Variants in TMEM114 observed in about 807,000 individuals in gnomAD.
The protein encoded by TMEM114 is transmembrane protein 114, also known as claudin-26.
Under a neutral mutation model 6.2 loss-of-function variants are expected in TMEM114, and 6 were observed. The ratio of observed to expected loss-of-function variants is 0.97; its 90% confidence interval spans 0.53 to 1.91. The LOEUF (loss-of-function observed/expected upper bound fraction) is 1.91. TMEM114 is among the 40% of genes most tolerant of loss of function. The probability of loss-of-function intolerance (pLI) is 0.01; values close to 1 mark genes in which losing one functional copy is unlikely to be tolerated. For missense variants in TMEM114, 218 were observed against 158.3 expected (o/e 1.38, Z -2.02); for synonymous variants, 104 against 73.0 (o/e 1.42, Z -2.16).
At chr16:8,547,094 C>T (rs1900692239) in intron 2 of TMEM114, among the ~76,000 whole-genome samples, 1 of 152,174 alleles carries the variant, frequency 6.6e-6, no homozygotes, top group Non-Finnish European at 1.5e-5. Flanking sequence ...AGGCTCTTTT[C>T]CAGAATTCTG....
intron 2 of TMEM114, among the ~76,000 whole-genome samples, chr16:8,559,253 G>T (rs1443537691): frequency 6.6e-6 from 1 of 151,892 alleles, no homozygotes; most frequent in Non-Finnish European, 1.5e-5. Flanking sequence ...GTGTTGGCCA[G>T]GCTGGTCTCC....
rs61728545 is a variant in TMEM114 at position 8,562,220 on chromosome 16, ATGAG to A, written n.213-24398_213-24395del. 7.3e-4 allele frequency among the ~76,000 whole-genome samples: 86 copies of A among 118,544 alleles called. 1 individual carries two copies. The Middle Eastern group carries it at 0.05, about 69-fold the overall frequency. The allele number at this position is 118,544 out of a possible 152,430, so 77.8% of individuals were successfully genotyped here. A position where few individuals can be genotyped will look rare whatever the true frequency, so the allele number is the denominator to read the frequency against. Reference sequence around the variant, plus strand: ...AATGAGTCAGTGAATGAGTGAGTAAATGAGTGAGTGAGTGAGTGAATGAGTGACT... The same window carrying A: ...AATGAGTCAGTGAATGAGTGAGTAAATGAGTGAGTGAGTGAATGAGTGACT... On this transcript the variant is annotated intron_variant and non_coding_transcript_variant, in intron 2 of 2. Coordinates refer to the TMEM114 transcript ENST00000623677.
At chr16:8,527,033 C>A in the TMEM114 span, among the ~76,000 whole-genome samples, 1 of 152,124 alleles carries the variant, frequency 6.6e-6, no homozygotes, top group Admixed American at 6.5e-5. Flanking sequence ...CATGGGGAAA[C>A]CCCAACTCTG....
At chr16:8,567,540 G>A (rs1179768130), downstream of TMEM114, among the ~76,000 whole-genome samples, 1 of 152,176 alleles carries the variant, frequency 6.6e-6, no homozygotes, top group African/African-American at 2.4e-5. Context: ...TGGACGTGTG[G>A]GACCAGATGT....
downstream of TMEM114, among the ~76,000 whole-genome samples, chr16:8,537,030 A>G (rs1900380651): frequency 6.6e-6 from 1 of 152,070 alleles, no homozygotes; most frequent in East Asian, 1.9e-4. Flanking sequence ...ACAAGATGAA[A>G]CCCTATGTCT....
At chr16:8,551,391 C>A (rs866277077) in intron 2 of TMEM114, among the ~76,000 whole-genome samples, 10 of 152,218 alleles carry the variant, frequency 6.6e-5, no homozygotes, top group Middle Eastern at 3.4e-3. Context: ...AGTGGCTTAG[C>A]CTACACTGTG....
In TMEM114 at chr16:8,585,780, T is replaced by C. The variant is rs565906152; in HGVS notation, c.301+3433A>G. Among the ~76,000 whole-genome samples, 4 of 152,280 alleles carry C rather than the reference T, an allele frequency of 2.6e-5. No homozygotes were observed. The South Asian group carries it at 8.3e-4, about 32-fold the overall frequency. On this transcript the variant is annotated intron_variant, in intron 2 of 3. Coordinates refer to ENST00000620492, the MANE Select transcript of TMEM114 (RefSeq NM_001146336.2). Reference sequence around the variant, plus strand: ...GAGGCCAGACACCACATTAGGCTCTTTAAATACACTGTCCTGTTTTAGCCT... The same window carrying C: ...GAGGCCAGACACCACATTAGGCTCTCTAAATACACTGTCCTGTTTTAGCCT...
intron 2 of TMEM114, among the ~76,000 whole-genome samples, chr16:8,561,611 G>A (rs765330708): frequency 3.2e-4 from 48 of 152,250 alleles, no homozygotes; most frequent in Non-Finnish European, 4.1e-4. Context: ...GCATATGAAT[G>A]AGTAAGTGAA....
At chr16:8,564,309 A>T (rs1372425569) in intron 2 of TMEM114, among the ~76,000 whole-genome samples, 1 of 96,684 alleles carries the variant, frequency 1.0e-5, no homozygotes, top group African/African-American at 3.9e-5. Flanking sequence ...GAGTGATGAA[A>T]TAAGTGAATG....
chr16:8,586,952 G>C (rs1273816503), intron 2 of TMEM114, among the ~76,000 whole-genome samples: 1 of 152,118 alleles, frequency 6.6e-6, no homozygotes, highest in Non-Finnish European at 1.5e-5. Context: ...TGTCTCCTTT[G>C]GTGGAACTTA....
At chr16:8,535,735 A>G (rs544190712), downstream of TMEM114, among the ~76,000 whole-genome samples, 1 of 152,136 alleles carries the variant, frequency 6.6e-6, no homozygotes, top group East Asian at 1.9e-4. Flanking sequence ...AATTCTCATC[A>G]AGTCAAATAA....
chr16:8,557,324 A>C (rs7189259), intron 2 of TMEM114, among the ~76,000 whole-genome samples: 79,518 of 151,834 alleles, frequency 0.52, 21,822 homozygotes, highest in African/African-American at 0.69. Flanking sequence ...AGCCTCCCAA[A>C]AGCCCTGATA....
intron 2 of TMEM114, among the ~76,000 whole-genome samples, chr16:8,559,626 T>A (rs1290890287): frequency 6.6e-6 from 1 of 152,220 alleles, no homozygotes; most frequent in Non-Finnish European, 1.5e-5. Context: ...TCTTGTGGGC[T>A]CTGAGTACTC....
chr16:8,550,708 A>G (rs1183425520), intron 2 of TMEM114, among the ~76,000 whole-genome samples: 2 of 139,408 alleles, frequency 1.4e-5, no homozygotes, highest in African/African-American at 5.1e-5. Context: ...ACCAAAAAAA[A>G]AAAGCAAGCA....
At chr16:8,586,493 C>T (rs536337826) in intron 2 of TMEM114, among the ~76,000 whole-genome samples, 2 of 151,820 alleles carry the variant, frequency 1.3e-5, no homozygotes, top group East Asian at 1.9e-4. Context: ...CTTCCATGAC[C>T]GGAATTCTTA....
chr16:8,579,866 C>T (rs1451326849), intron 2 of TMEM114, among the ~76,000 whole-genome samples: 3 of 152,086 alleles, frequency 2.0e-5, no homozygotes, highest in Non-Finnish European at 2.9e-5. Flanking sequence ...ACAAAGGGGT[C>T]GTGGGACTGC....
the TMEM114 span, among the ~76,000 whole-genome samples, chr16:8,530,499 G>C: frequency 6.6e-6 from 1 of 152,118 alleles, no homozygotes; most frequent in African/African-American, 2.4e-5. Context: ...GTAGCCAATG[G>C]AAAGAGAATG....
intron 2 of TMEM114, among the ~76,000 whole-genome samples, chr16:8,582,447 G>C (rs1258543892): frequency 6.6e-6 from 1 of 152,214 alleles, no homozygotes; most frequent in Non-Finnish European, 1.5e-5. Flanking sequence ...CTGGTTTCCT[G>C]TCTGAAAGAG....
At chr16:8,540,707 G>A (rs1232405908) in intron 2 of TMEM114, among the ~76,000 whole-genome samples, 1 of 152,198 alleles carries the variant, frequency 6.6e-6, no homozygotes, top group Non-Finnish European at 1.5e-5. Flanking sequence ...AGCAAAGACA[G>A]ACATAGTTCC....
Sources: gnomAD v4.1 joint callset for allele counts (sites outside exome capture counted in the v4.1 genomes callset) on GRCh38, gnomAD v4.1.1 for gene constraint, MANE v1.5 for transcripts, NCBI Gene and HGNC (gene_info 2026-07-23, HGNC 2026-07-21) for gene names.